Variants in ENTREP2 observed in about 807,000 individuals in gnomAD.
ENTREP2 encodes endosomal transmembrane epsin interactor 2.
the ENTREP2 span, among the ~76,000 whole-genome samples, chr15:29,224,330 G>A: frequency 5.9e-5 from 9 of 152,274 alleles, no homozygotes; most frequent in South Asian, 1.9e-3. Context: ...CAAAGAGTGA[G>A]CAGCAGCAAC....
the ENTREP2 span, among the ~76,000 whole-genome samples, chr15:29,241,488 G>A: frequency 6.6e-6 from 1 of 152,182 alleles, no homozygotes; most frequent in Non-Finnish European, 1.5e-5. Context: ...GTAGGAGGCA[G>A]AGAGAGGAGG....
chr15:29,148,516 G>C, the ENTREP2 span, among the ~76,000 whole-genome samples: 6 of 152,268 alleles, frequency 3.9e-5, no homozygotes, highest in East Asian at 9.6e-4. Flanking sequence ...ATCATCTCTA[G>C]AATACTTCTA....
At chr15:29,557,062 G>C in the ENTREP2 span, among the ~76,000 whole-genome samples, 2 of 152,196 alleles carry the variant, frequency 1.3e-5, no homozygotes, top group South Asian at 4.1e-4. Flanking sequence ...GCCTGACTTA[G>C]AAAGAACACA....
At chr15:29,570,616 C>A in the ENTREP2 span, 1 of 1,446,326 alleles carries the variant, frequency 6.9e-7, no homozygotes, top group Non-Finnish European at 9.1e-7. Context: ...TCTGCGTGGC[C>A]CCGAGCGCCA....
At chr15:29,146,949 A>AC in the ENTREP2 span, among the ~76,000 whole-genome samples, 2 of 151,974 alleles carry the variant, frequency 1.3e-5, no homozygotes, top group East Asian at 3.9e-4. Flanking sequence ...AAAAAAAAAA[A>AC]CCAAAAAACC....
the ENTREP2 span, among the ~76,000 whole-genome samples, chr15:29,606,896 C>A: frequency 6.6e-6 from 1 of 152,032 alleles, no homozygotes; most frequent in Non-Finnish European, 1.5e-5. Flanking sequence ...TACAGTGGTA[C>A]AACCTCAGCT....
At chr15:29,409,038 C>T in the ENTREP2 span, among the ~76,000 whole-genome samples, 1 of 152,150 alleles carries the variant, frequency 6.6e-6, no homozygotes, top group Non-Finnish European at 1.5e-5. Context: ...ATTCAAATTT[C>T]CCAGATTGTC....
the ENTREP2 span, among the ~76,000 whole-genome samples, chr15:29,465,666 T>C: frequency 6.6e-6 from 1 of 152,336 alleles, no homozygotes; most frequent in African/African-American, 2.4e-5. Context: ...TGGTCCATTA[T>C]AAATACAATC....
chr15:29,618,595 GTTC>G, the ENTREP2 span, among the ~76,000 whole-genome samples: 1 of 152,172 alleles, frequency 6.6e-6, no homozygotes, highest in South Asian at 2.1e-4. Flanking sequence ...TTGTTGCTAT[GTTC>G]TTCTTACAAA....
the ENTREP2 span, among the ~76,000 whole-genome samples, chr15:29,489,804 G>A: frequency 2.0e-5 from 3 of 152,094 alleles, no homozygotes; most frequent in Non-Finnish European, 2.9e-5. Flanking sequence ...GGGTACCATC[G>A]CTCAGCTACA....
the ENTREP2 span, among the ~76,000 whole-genome samples, chr15:29,607,961 G>A: frequency 1.1e-4 from 17 of 152,256 alleles, no homozygotes; most frequent in African/African-American, 3.9e-4. Flanking sequence ...GAGCCGGTCC[G>A]AGTCCCAAAA....
chr15:29,435,109 C>T, the ENTREP2 span, among the ~76,000 whole-genome samples: 3 of 152,114 alleles, frequency 2.0e-5, no homozygotes, highest in Non-Finnish European at 2.9e-5. Flanking sequence ...CTCCAGGCTG[C>T]GCCCTACTAA....
chr15:29,674,131 G>C, the ENTREP2 span, among the ~76,000 whole-genome samples: 66 of 139,404 alleles, frequency 4.7e-4, 4 homozygotes, highest in Admixed American at 4.0e-3. Flanking sequence ...CAGAGGATGG[G>C]GGGGGGGGGG....
chr15:29,285,144 T>C, the ENTREP2 span, among the ~76,000 whole-genome samples: 1 of 152,194 alleles, frequency 6.6e-6, no homozygotes, highest in Non-Finnish European at 1.5e-5. Context: ...AATCCACTGC[T>C]CCCTGACGCT....
chr15:29,674,131 G>A, the ENTREP2 span, among the ~76,000 whole-genome samples: 3 of 139,362 alleles, frequency 2.2e-5, 1 homozygote, highest in Non-Finnish European at 4.6e-5. Context: ...CAGAGGATGG[G>A]GGGGGGGGGG....
chr15:29,235,683 C>T, the ENTREP2 span, among the ~76,000 whole-genome samples: 6 of 152,100 alleles, frequency 3.9e-5, no homozygotes, highest in African/African-American at 1.2e-4. Flanking sequence ...TAAAGAAGAG[C>T]GGCTGGGCGT....
At chr15:29,153,047 G>A in the ENTREP2 span, among the ~76,000 whole-genome samples, 1 of 151,938 alleles carries the variant, frequency 6.6e-6, no homozygotes, top group African/African-American at 2.4e-5. Context: ...TAATGATGTC[G>A]AACATCTTTT....
chr15:29,304,072 G>A, the ENTREP2 span, among the ~76,000 whole-genome samples: 1 of 151,956 alleles, frequency 6.6e-6, no homozygotes, highest in Admixed American at 6.6e-5. Context: ...TAGTAGAGAT[G>A]GGGTTTCACC....
the ENTREP2 span, among the ~76,000 whole-genome samples, chr15:29,526,505 C>T: frequency 2.0e-5 from 3 of 152,172 alleles, no homozygotes; most frequent in Admixed American, 1.3e-4. Context: ...ATTCCATCAC[C>T]CAGGCTAGGG....
Sources: gnomAD v4.1 joint callset for allele counts (sites outside exome capture counted in the v4.1 genomes callset) on GRCh38, gnomAD v4.1.1 for gene constraint, MANE v1.5 for transcripts, NCBI Gene and HGNC (gene_info 2026-07-23, HGNC 2026-07-21) for gene names.